RXFP1: variants seen among roughly 807,000 people sequenced by gnomAD.
RXFP1 encodes the protein relaxin family peptide receptor 1.
Under a neutral mutation model 89.8 loss-of-function variants are expected in RXFP1, and 73 were observed. That is an observed-to-expected ratio of 0.81 (90% CI 0.67 to 0.99). RXFP1 has a LOEUF of 0.99. RXFP1 is among the 50% of genes least tolerant of loss of function. The probability of loss-of-function intolerance (pLI) is 0.00; values close to 1 mark genes in which losing one functional copy is unlikely to be tolerated. For missense variants in RXFP1, 793 were observed against 895.5 expected (o/e 0.89, Z 1.46); for synonymous variants, 277 against 305.5 (o/e 0.91, Z 0.97).
intron 3 of RXFP1, among the ~76,000 whole-genome samples, chr4:158,595,996 A>T (rs1046202722): frequency 1.2e-4 from 18 of 151,960 alleles, no homozygotes; most frequent in Non-Finnish European, 1.2e-4. Flanking sequence ...CAAAAAAAAA[A>T]AAAAAATTAA....
chr4:158,537,455 T>C (rs1745544723), intron 1 of RXFP1, among the ~76,000 whole-genome samples: 1 of 152,186 alleles, frequency 6.6e-6, no homozygotes, highest in Admixed American at 6.5e-5. Context: ...TGGAAGACTA[T>C]GTTAACATCA....
At chr4:158,584,792 A>T (rs996282466) in intron 2 of RXFP1, among the ~76,000 whole-genome samples, 3 of 152,238 alleles carry the variant, frequency 2.0e-5, no homozygotes, top group Admixed American at 1.3e-4. Context: ...AAGCCCAGGA[A>T]TCTGCATTTT....
chr4:158,591,131 C>A (rs1759372473), intron 2 of RXFP1, among the ~76,000 whole-genome samples: 1 of 152,140 alleles, frequency 6.6e-6, no homozygotes. Flanking sequence ...AGAATCCTGG[C>A]TACTTAGGGT....
rs1387787232 is a variant in RXFP1, at chr4:158,527,577, A to ATATATGTG, written c.49+5553_49+5554insATATGTGT. Among the ~76,000 whole-genome samples, 4 of 145,496 alleles carry ATATATGTG rather than the reference A, an allele frequency of 2.7e-5. No homozygotes were observed. The South Asian group carries it at 8.6e-4, about 31-fold the overall frequency. On this transcript the variant is annotated intron_variant, in intron 1 of 17. Coordinates refer to ENST00000307765, the MANE Select transcript of RXFP1 (RefSeq NM_021634.4). ...CAAAAAAAAAAAAATATATATATAT[A>ATATATGTG]TGTATATATATACTGTTGCCTCCTA...
intron 1 of RXFP1, among the ~76,000 whole-genome samples, chr4:158,531,920 TTTGTTTG>T (rs770955987): frequency 1.3e-4 from 17 of 134,988 alleles, no homozygotes; most frequent in East Asian, 3.9e-4. Flanking sequence ...GTTTGGGTAT[TTTGTTTG>T]TTTGTTTGTT....
At chr4:158,597,676 A>T (rs1449952504) in intron 3 of RXFP1, among the ~76,000 whole-genome samples, 1 of 152,034 alleles carries the variant, frequency 6.6e-6, no homozygotes, top group Admixed American at 6.6e-5. Context: ...TGTAATCAAC[A>T]TATATGAATT....
chr4:158,522,219 T>A (rs1370653172), intron 1 of RXFP1, among the ~76,000 whole-genome samples, 194 bp downstream of exon 1: 1 of 152,188 alleles, frequency 6.6e-6, no homozygotes, highest in Non-Finnish European at 1.5e-5. Context: ...CTTATCATAG[T>A]CAATAGTGAA....
At chr4:158,566,786 G>C (rs781476437) in intron 1 of RXFP1, among the ~76,000 whole-genome samples, 8 of 152,282 alleles carry the variant, frequency 5.3e-5, no homozygotes, top group Non-Finnish European at 1.2e-4. Flanking sequence ...CGTGCTGGCA[G>C]CCCTTGCAGC....
chr4:158,557,140 T>C (rs979641171), intron 1 of RXFP1, among the ~76,000 whole-genome samples: 2 of 152,204 alleles, frequency 1.3e-5, no homozygotes, highest in African/African-American at 4.8e-5. Context: ...ACTACCCTAA[T>C]TGAATCATTG....
intron 9 of RXFP1, among the ~76,000 whole-genome samples, chr4:158,622,648 G>A (rs753959618): frequency 1.3e-5 from 2 of 152,170 alleles, no homozygotes; most frequent in East Asian, 1.9e-4. Context: ...TCATTTATAC[G>A]TGGAATTTCT....
intron 2 of RXFP1, among the ~76,000 whole-genome samples, chr4:158,592,119 A>G (rs879633229): frequency 1.3e-5 from 2 of 152,144 alleles, no homozygotes; most frequent in Non-Finnish European, 2.9e-5. Context: ...AAAATCTTCT[A>G]TTTTTTTAAA....
At chr4:158,588,512 G>A (rs1371069747) in intron 2 of RXFP1, among the ~76,000 whole-genome samples, 2 of 152,164 alleles carry the variant, frequency 1.3e-5, no homozygotes, top group African/African-American at 2.4e-5. Flanking sequence ...CCCCAACACA[G>A]CTGCCTCTCT....
At chr4:158,542,079 C>CCATG (rs56378897) in intron 1 of RXFP1, among the ~76,000 whole-genome samples, 1 of 29,848 alleles carries the variant, frequency 3.4e-5, no homozygotes. Flanking sequence ...GCCACCATGG[C>CCATG]TATATATATA....
chr4:158,535,396 A>G (rs544471437), intron 1 of RXFP1, among the ~76,000 whole-genome samples: 1 of 152,374 alleles, frequency 6.6e-6, no homozygotes, highest in South Asian at 2.1e-4. Context: ...AAAATGGACT[A>G]AAATGTGAGA....
chr4:158,544,251 A>C, intron 1 of RXFP1: 1 of 985,370 alleles, frequency 1.0e-6, no homozygotes, highest in Non-Finnish European at 1.2e-6. Context: ...GTCTATTTAC[A>C]TACATCATGT....
intron 1 of RXFP1, among the ~76,000 whole-genome samples, chr4:158,531,069 TC>T (rs1489141123): frequency 6.6e-6 from 1 of 152,112 alleles, no homozygotes; most frequent in Non-Finnish European, 1.5e-5. Context: ...AGGGTCTTGC[TC>T]TCCTGGCCCA....
chr4:158,542,109 A>ATATATATAT, intron 1 of RXFP1, among the ~76,000 whole-genome samples: 1 of 35,242 alleles, frequency 2.8e-5, no homozygotes, highest in Admixed American at 5.6e-4. Flanking sequence ...ATATATATAT[A>ATATATATAT]TTTTTTTTTT....
At chr4:158,612,522 A>G (rs968433052) in intron 8 of RXFP1, among the ~76,000 whole-genome samples, 160 bp downstream of exon 8, 2 of 152,212 alleles carry the variant, frequency 1.3e-5, no homozygotes, top group African/African-American at 2.4e-5. Context: ...GGCTATTTAT[A>G]GTTCCAACAA....
At chr4:158,522,758 A>C (rs1741497140) in intron 1 of RXFP1, among the ~76,000 whole-genome samples, 1 of 152,342 alleles carries the variant, frequency 6.6e-6, no homozygotes, top group East Asian at 1.9e-4. Flanking sequence ...ATGATGAAAA[A>C]GTCAAAGCCA....
Sources: gnomAD v4.1 joint callset for allele counts (sites outside exome capture counted in the v4.1 genomes callset) on GRCh38, gnomAD v4.1.1 for gene constraint, MANE v1.5 for transcripts, NCBI Gene and HGNC (gene_info 2026-07-23, HGNC 2026-07-21) for gene names.